PRRC2B: variants seen among roughly 807,000 people sequenced by gnomAD.
PRRC2B encodes proline rich coiled-coil 2B, also known as protein PRRC2B.
A neutral mutation model predicts 242.3 loss-of-function variants in PRRC2B; 68 were observed. That is an observed-to-expected ratio of 0.28 (90% CI 0.23 to 0.34). The LOEUF (loss-of-function observed/expected upper bound fraction) is 0.34. Ranked by LOEUF, PRRC2B falls within the 10% of genes least tolerant of loss-of-function variation. PRRC2B has a pLI of 1.00. For synonymous variants in PRRC2B, 1,228 were observed against 1,173.6 expected, an observed-to-expected ratio of 1.05 and a Z score of -0.95; for missense variants, 2,835 against 2,954.8, an observed-to-expected ratio of 0.96 and a Z score of 0.94.
chr9:131,476,132 C>G lies in PRRC2B; in HGVS notation c.4003C>G (p.Leu1335Val). 1 of 1,610,534 alleles carries G rather than the reference C, an allele frequency of 6.2e-7. No individual in the cohort carries two copies. The highest frequency in any genetic ancestry group is 8.5e-7 in the Non-Finnish European group (1 of 1,177,744). ...LWGPEEEPHLLAGQWPGRPKL... is the reference protein window; with the variant it reads ...LWGPEEEPHLVAGQWPGRPKL... ...GGGACCCGAGGAGGAGCCCCACCTG[C>G]TGGCAGGTCAGTGGCCAGGCAGGCC... The change falls in exon 16 of 32, where the codon CTG (leucine) becomes GTG (valine). Residue 1335 changes from leucine (L) to valine (V), a missense_variant. By Grantham distance (32) the Leu-to-Val change is conservative. Transcript: ENST00000683519.
Position 131,482,269 on chromosome 9 carries a change from C to T in PRRC2B, c.4984-102C>T. Reference sequence around the variant, plus strand: ...GATCAGGACCAGACTTGGCAAGGGACAGGCAGCTGGGGTAGAAAAGTCTCT... The same window carrying T: ...GATCAGGACCAGACTTGGCAAGGGATAGGCAGCTGGGGTAGAAAAGTCTCT... On this transcript the variant is annotated intron_variant, in intron 20 of 31. Transcript: ENST00000683519. This position sits in a 1 kb window ranked among gnomAD's most constrained non-coding sequence, Gnocchi z 5.2. 1.5e-6 allele frequency: 2 copies of T among 1,302,218 alleles called. No homozygotes were observed. Among genetic ancestry groups the T allele is most frequent in the Non-Finnish European group, 2.1e-6 (2 of 941,428 alleles). The allele number at this position is 1,302,218 out of a possible 1,614,324, so 80.7% of individuals were successfully genotyped here. A position where few individuals can be genotyped will look rare whatever the true frequency, so the allele number is the denominator to read the frequency against.
At chr9:131,419,664 A>G (rs1352014029) in intron 1 of PRRC2B, among the ~76,000 whole-genome samples, 1 of 152,152 alleles carries the variant, frequency 6.6e-6, no homozygotes, top group Admixed American at 6.5e-5. Flanking sequence ...TCTCTTGTTT[A>G]TTCCTTACAG....
At chr9:131,439,694 C>T (rs1838493334) in intron 5 of PRRC2B, among the ~76,000 whole-genome samples, 3 of 152,198 alleles carry the variant, frequency 2.0e-5, no homozygotes, top group Admixed American at 1.3e-4. Flanking sequence ...CCTCAGTCTC[C>T]AACGGGAAAT....
At chr9:131,421,384 G>T (rs1041634883) in intron 1 of PRRC2B, among the ~76,000 whole-genome samples, 1 of 152,192 alleles carries the variant, frequency 6.6e-6, no homozygotes, top group Non-Finnish European at 1.5e-5. Context: ...CTTGTCCCTG[G>T]ATTTCGTGGT....
chr9:131,494,814 C>T lies in PRRC2B; in HGVS notation c.6555+328C>T, dbSNP rs1285067919. Among the ~76,000 whole-genome samples the T allele has an allele frequency of 6.6e-6, 1 of 152,070 alleles. No individual in the cohort carries two copies. The highest frequency in any genetic ancestry group is 1.5e-5 in the Non-Finnish European group (1 of 68,004). ...AGACTCGGTTAGGTTTGGGGGTCGG[C>T]TTTAGGAGCCGGGGTGCGCGCGCTG... On this transcript the variant is annotated intron_variant, in intron 31 of 31. Transcript: ENST00000683519. The surrounding 1 kb of genome is among the most constrained non-coding windows in gnomAD (Gnocchi z 4.3).
At position 131,498,655 on chromosome 9, in the gene PRRC2B, A is replaced by C. The variant is rs72772646; in HGVS notation, c.*2781A>C. On this transcript the variant is annotated 3_prime_UTR_variant, in exon 32 of 32. Coordinates refer to ENST00000683519, the MANE Select transcript of PRRC2B (RefSeq NM_013318.4). ...TACATGCAGAGGCTTCTGCCAGGAT[A>C]CCACGGGGCCTTAGTGGGAACAGGT... 5 of 152,356 alleles carry C rather than the reference A, an allele frequency of 3.3e-5. No homozygotes were observed. Among genetic ancestry groups the C allele is most frequent in the Non-Finnish European group, 7.3e-5 (5 of 68,042 alleles). 9.4% of individuals were successfully genotyped at this position (152,356 alleles called of 1,614,324 possible). A position where few individuals can be genotyped will look rare whatever the true frequency, so the allele number is the denominator to read the frequency against.
At chr9:131,405,062 G>C (rs1837328025) in intron 1 of PRRC2B, among the ~76,000 whole-genome samples, 1 of 152,156 alleles carries the variant, frequency 6.6e-6, no homozygotes, top group Non-Finnish European at 1.5e-5. Context: ...AAATGAACAG[G>C]CTTTTTGGAT....
intron 19 of PRRC2B, among the ~76,000 whole-genome samples, chr9:131,480,963 G>T (rs553228688): frequency 2.8e-4 from 43 of 151,882 alleles, no homozygotes; most frequent in South Asian, 1.9e-3. Flanking sequence ...TTGAGATCAG[G>T]AGTTCAAGAC....
chr9:131,429,850 G>A (rs917517758), intron 1 of PRRC2B, among the ~76,000 whole-genome samples: 6 of 152,060 alleles, frequency 3.9e-5, no homozygotes, highest in Non-Finnish European at 7.3e-5. Flanking sequence ...CAGCAGGTGG[G>A]GGTTGGGGGG....
intron 1 of PRRC2B, among the ~76,000 whole-genome samples, chr9:131,429,446 T>C (rs1444344310): frequency 1.3e-5 from 2 of 152,254 alleles, no homozygotes; most frequent in Non-Finnish European, 2.9e-5. Flanking sequence ...GGTCTCTCCC[T>C]TGCTAGCCCT....
chr9:131,447,351 T>G (rs1588256381), intron 8 of PRRC2B, 145 bp downstream of exon 8: 1 of 1,051,334 alleles, frequency 9.5e-7, no homozygotes, highest in Non-Finnish European at 1.3e-6. Context: ...GTGTGTGGGG[T>G]GGTGGCTGGG....
chr9:131,496,558 G>A lies in PRRC2B; in HGVS notation c.*684G>A, dbSNP rs79193089. ...GGAGGTTCTTGAGGGCACCGATTGC[G>A]AGCATTCTGGTGCCTGGCTCCCCGC... is the stretch of plus-strand genomic sequence containing the variant. On this transcript the variant is annotated 3_prime_UTR_variant, in exon 32 of 32. Coordinates refer to ENST00000683519, the MANE Select transcript of PRRC2B (RefSeq NM_013318.4). 0.057 allele frequency: 8,594 copies of A among 151,664 alleles called. 319 individuals carry two copies. Among genetic ancestry groups the A allele is most frequent in the Admixed American group, 0.11 (1,743 of 15,222 alleles). 9.4% of individuals were successfully genotyped at this position (151,664 alleles called of 1,614,324 possible).
intron 1 of PRRC2B, among the ~76,000 whole-genome samples, chr9:131,420,480 TC>T (rs1564278570): frequency 4.1e-4 from 6 of 14,694 alleles, no homozygotes; most frequent in African/African-American, 8.9e-4. Flanking sequence ...TTTCTTTCTT[TC>T]TTTCTTTCTT....
Position 131,470,933 on chromosome 9 carries a change from C to T in PRRC2B, c.2057C>T (p.Thr686Met), listed in dbSNP as rs765308056. 6.8e-6 allele frequency: 11 copies of T among 1,611,930 alleles called. No individual in the cohort carries two copies. The highest frequency in any genetic ancestry group is 2.2e-5 in the South Asian group (2 of 90,998). The change falls in exon 14 of 32, where the codon ACG (threonine) becomes ATG (methionine). Residue 686 changes from threonine to methionine, a missense_variant. Around this residue, in one of 7 missense-constraint regions of PRRC2B, gnomAD observed 1,536 missense variants for 1,483.1 expected, o/e 1.04. Coordinates refer to ENST00000683519, the MANE Select transcript of PRRC2B (RefSeq NM_013318.4). ...MMPSYMDPRI[T>M]PTRTPVDFYP... ...CCTTCCTACATGGACCCACGTATCA[C>T]GCCCACTCGGACCCCGGTGGACTTC...
At chr9:131,478,332 A>G (rs922207930) in intron 17 of PRRC2B, 142 bp from the exon 18 acceptor site, 2 of 794,126 alleles carry the variant, frequency 2.5e-6, no homozygotes, top group South Asian at 1.7e-5. Flanking sequence ...GTGTTAGATC[A>G]GAGGCGGCCT....
chr9:131,486,542 G>A (rs1944030063), intron 26 of PRRC2B: 1 of 985,208 alleles, frequency 1.0e-6, no homozygotes, highest in African/African-American at 1.7e-5. Context: ...TTAGAAAGAG[G>A]TAGTCTTAGA....
At chr9:131,411,100 A>G (rs958737256) in intron 1 of PRRC2B, among the ~76,000 whole-genome samples, 6 of 151,876 alleles carry the variant, frequency 4.0e-5, no homozygotes, top group Non-Finnish European at 7.4e-5. Flanking sequence ...TACTAAAAAT[A>G]AAAAGAATTA....
Position 131,494,276 on chromosome 9 carries a change from G to T in PRRC2B, c.6474-129G>T. The T allele has an allele frequency of 1.6e-6, 1 of 608,116 alleles. No individual in the cohort carries two copies. 37.7% of individuals were successfully genotyped at this position (608,116 alleles called of 1,614,324 possible). On this transcript the variant is annotated intron_variant, in intron 30 of 31. Transcript: ENST00000683519. The surrounding 1 kb of genome is among the most constrained non-coding windows in gnomAD (Gnocchi z 4.3). Reference sequence around the variant, plus strand: ...TTGTTTTCCATCCAAGAGATCCACGGACCGTCCCGAGTGAGCGCCTCTGGC... The same window carrying T: ...TTGTTTTCCATCCAAGAGATCCACGTACCGTCCCGAGTGAGCGCCTCTGGC...
chr9:131,428,958 T>C (rs66692139), intron 1 of PRRC2B, among the ~76,000 whole-genome samples: 53,784 of 152,088 alleles, frequency 0.35, 10,314 homozygotes, highest in Middle Eastern at 0.46. Flanking sequence ...TATTTGTTTT[T>C]GTTGTGTTTT....
Sources: gnomAD v4.1 joint callset for allele counts (sites outside exome capture counted in the v4.1 genomes callset) on GRCh38, gnomAD v4.1.1 for gene constraint, gnomAD v4.1.1 regional missense constraint, Gnocchi (gnomAD v3.1) non-coding constraint, MANE v1.5 for transcripts, NCBI Gene and HGNC (gene_info 2026-07-23, HGNC 2026-07-21) for gene names.